Variants in DYNC1I2 observed in about 807,000 individuals in gnomAD.
DYNC1I2 encodes dynein cytoplasmic 1 intermediate chain 2, also known as cytoplasmic dynein 1 intermediate chain 2.
In DYNC1I2, 53 loss-of-function variants were observed where a neutral mutation model predicts 88.6. The observed-to-expected ratio is 0.60, with a 90% CI of 0.48 to 0.75. DYNC1I2 has a LOEUF of 0.75. Among genes scored for constraint, DYNC1I2 ranks in the 30% least tolerant of loss-of-function variants. DYNC1I2 has a pLI of 0.00. For missense variants in DYNC1I2, 458 were observed against 766.6 expected (o/e 0.60, Z 4.75); for synonymous variants, 198 against 254.6 (o/e 0.78, Z 2.12).
At chr2:171,699,173 G>A (rs934451971) in intron 3 of DYNC1I2, among the ~76,000 whole-genome samples, 2 of 152,136 alleles carry the variant, frequency 1.3e-5, no homozygotes, top group African/African-American at 4.8e-5. Flanking sequence ...TGGGCATGGT[G>A]GCAGGCACCT....
intron 15 of DYNC1I2, among the ~76,000 whole-genome samples, chr2:171,739,540 A>G (rs1210600258): frequency 6.6e-6 from 1 of 152,044 alleles, no homozygotes; most frequent in Non-Finnish European, 1.5e-5. Flanking sequence ...AAACCTCTTT[A>G]AAAAATACTA....
intron 15 of DYNC1I2, among the ~76,000 whole-genome samples, chr2:171,741,265 T>G (rs1342691044): frequency 6.6e-6 from 1 of 152,222 alleles, no homozygotes; most frequent in African/African-American, 2.4e-5. Flanking sequence ...CTGCTGTGAA[T>G]GTGCAAGTTT....
At position 171,733,825 on chromosome 2, in the gene DYNC1I2, CT is replaced by C. The variant is rs369938242; in HGVS notation, c.1536+3976del. 3.4e-3 allele frequency among the ~76,000 whole-genome samples: 514 copies of C among 150,844 alleles called. 4 individuals are homozygous for C. Among genetic ancestry groups the C allele is most frequent in the South Asian group, 0.023 (110 of 4,780 alleles). On this transcript the variant is annotated intron_variant, in intron 15 of 17. Transcript: ENST00000397119. ...ATTGGATCCCATTCGTCAAATTTTG[CT>C]TTTGTTGCAATTGCTTTGGGCCTCT...
intron 7 of DYNC1I2, among the ~76,000 whole-genome samples, chr2:171,716,034 A>T (rs1687466506): frequency 6.6e-6 from 1 of 152,156 alleles, no homozygotes; most frequent in East Asian, 1.9e-4. Context: ...ACCAGAAAGC[A>T]TTACAAATAG....
chr2:171,705,184 G>A (rs2105529866), intron 3 of DYNC1I2, among the ~76,000 whole-genome samples: 1 of 152,114 alleles, frequency 6.6e-6, no homozygotes, highest in South Asian at 2.1e-4. Flanking sequence ...TTCAGAACTG[G>A]CTGTTAATGT....
At chr2:171,714,351 C>G (rs758213021) in intron 6 of DYNC1I2, among the ~76,000 whole-genome samples, 2 of 151,822 alleles carry the variant, frequency 1.3e-5, no homozygotes, top group Non-Finnish European at 2.9e-5. Context: ...GATTTAGTTA[C>G]TAAATAGAAC....
rs1689966571 is a variant in DYNC1I2 at position 171,749,109 on chromosome 2, A to G, written c.*1220A>G. On this transcript the variant is annotated 3_prime_UTR_variant, in exon 18 of 18. Coordinates refer to ENST00000397119, the MANE Select transcript of DYNC1I2 (RefSeq NM_001378.3). ...ACATTTTTCTTTTAATAATTGTAAC[A>G]AAGATTTGTTGGGAGAGAAATTTCC... Among the ~76,000 whole-genome samples, 1 of 152,196 alleles carries G rather than the reference A, an allele frequency of 6.6e-6. No homozygotes were observed. The highest frequency in any genetic ancestry group is 6.5e-5 in the Admixed American group (1 of 15,282).
chr2:171,706,062 A>T (rs1161955138), intron 3 of DYNC1I2, among the ~76,000 whole-genome samples: 1 of 152,052 alleles, frequency 6.6e-6, no homozygotes, highest in Non-Finnish European at 1.5e-5. Flanking sequence ...CACTGTTTTT[A>T]CTGCAGCGTG....
At chr2:171,719,173 A>T (rs1376693678) in intron 7 of DYNC1I2, among the ~76,000 whole-genome samples, 1 of 150,748 alleles carries the variant, frequency 6.6e-6, no homozygotes, top group East Asian at 2.0e-4. Flanking sequence ...GTGAAGGAGA[A>T]GGGAAAAAAA....
chr2:171,700,571 A>G (rs796103956), intron 3 of DYNC1I2, among the ~76,000 whole-genome samples: 1 of 152,242 alleles, frequency 6.6e-6, no homozygotes, highest in East Asian at 1.9e-4. Flanking sequence ...TGTAGAGACT[A>G]AAGACTGGCT....
chr2:171,706,818 T>C, intron 4 of DYNC1I2: 1 of 441,234 alleles, frequency 2.3e-6, no homozygotes. Context: ...TAGACAAAAG[T>C]TAATATTTTA....
intron 7 of DYNC1I2, among the ~76,000 whole-genome samples, chr2:171,724,598 T>C (rs538467225): frequency 5.9e-5 from 9 of 152,334 alleles, no homozygotes; most frequent in Admixed American, 2.0e-4. Context: ...GTACGTCGTA[T>C]GTATGTGTGT....
chr2:171,726,166 T>C, intron 9 of DYNC1I2, 28 bp from the exon 10 acceptor site: 1 of 1,591,474 alleles, frequency 6.3e-7, no homozygotes, highest in Non-Finnish European at 8.5e-7. Flanking sequence ...AACACCATCT[T>C]TTTGGGGGGT....
chr2:171,732,135 G>A (rs1341716862), intron 15 of DYNC1I2, among the ~76,000 whole-genome samples: 1 of 152,182 alleles, frequency 6.6e-6, no homozygotes, highest in Non-Finnish European at 1.5e-5. Context: ...AGTCCAAGGC[G>A]GGTGGATCAC....
chr2:171,709,137 A>G (rs888667106), intron 5 of DYNC1I2, among the ~76,000 whole-genome samples: 3 of 152,234 alleles, frequency 2.0e-5, no homozygotes, highest in African/African-American at 4.8e-5. Context: ...GATATTATAC[A>G]TTATTTTTAT....
chr2:171,717,141 C>CTTTT (rs71013068), intron 7 of DYNC1I2, among the ~76,000 whole-genome samples: 2 of 102,296 alleles, frequency 2.0e-5, no homozygotes, highest in African/African-American at 6.6e-5. Flanking sequence ...CAAGTATTTT[C>CTTTT]TTTTTTTTTT....
chr2:171,747,631 T>G, intron 17 of DYNC1I2, 145 bp from the exon 18 acceptor site: 1 of 580,408 alleles, frequency 1.7e-6, no homozygotes, highest in Non-Finnish European at 3.1e-6. Context: ...TGTAAATCAT[T>G]GTTATAGTCC....
At chr2:171,695,791 A>T (rs1398578992) in intron 3 of DYNC1I2, among the ~76,000 whole-genome samples, 1 of 152,000 alleles carries the variant, frequency 6.6e-6, no homozygotes, top group Non-Finnish European at 1.5e-5. Flanking sequence ...ACTCTCCAGA[A>T]TGGCTACAAA....
At chr2:171,718,023 C>T (rs183225068) in intron 7 of DYNC1I2, among the ~76,000 whole-genome samples, 4 of 148,876 alleles carry the variant, frequency 2.7e-5, no homozygotes, top group Non-Finnish European at 4.4e-5. Context: ...GTGGTGCCAT[C>T]GTAGCTCACT....
Sources: allele counts gnomAD v4.1 joint callset (sites outside exome capture counted in the v4.1 genomes callset), GRCh38; gene constraint gnomAD v4.1.1; transcripts MANE v1.5; gene names NCBI Gene and HGNC (gene_info 2026-07-23, HGNC 2026-07-21).